Variants in TENM4 observed in about 807,000 individuals in gnomAD.
TENM4 encodes teneurin-4.
Under a neutral mutation model 243.3 loss-of-function variants are expected in TENM4, and 82 were observed. The observed-to-expected ratio is 0.34, with a 90% confidence interval of 0.28 to 0.40. The LOEUF is 0.40. Ranked by LOEUF, TENM4 falls within the 10% of genes least tolerant of loss-of-function variation. TENM4 has a pLI of 1.00. For missense variants in TENM4, 3,138 were observed against 3,673.3 expected (o/e 0.85, Z 3.77); for synonymous variants, 1,412 against 1,456.3 (o/e 0.97, Z 0.69).
intron 1 of TENM4, among the ~76,000 whole-genome samples, chr11:79,307,304 C>G (rs1358110161): frequency 6.6e-6 from 1 of 152,120 alleles, no homozygotes; most frequent in African/African-American, 2.4e-5. Context: ...CAATCCTCAC[C>G]GTTTCTCTCC....
At chr11:79,174,214 C>T (rs544585828) in intron 3 of TENM4, among the ~76,000 whole-genome samples, 9 of 152,086 alleles carry the variant, frequency 5.9e-5, no homozygotes, top group South Asian at 2.1e-4. Context: ...GTTCTTTGCC[C>T]GGGTGCTTCT....
intron 11 of TENM4, among the ~76,000 whole-genome samples, chr11:78,855,405 T>C (rs1285114815): frequency 6.6e-6 from 1 of 152,210 alleles, no homozygotes; most frequent in African/African-American, 2.4e-5. Flanking sequence ...TCAGTGTTTC[T>C]GGTGTGCATG....
At chr11:79,280,076 C>T (rs753262954) in intron 2 of TENM4, among the ~76,000 whole-genome samples, 4 of 152,196 alleles carry the variant, frequency 2.6e-5, no homozygotes, top group African/African-American at 4.8e-5. Context: ...AAGCCCTCAC[C>T]AAAAATCAAA....
At chr11:78,671,916 T>C in intron 31 of TENM4, 117 bp downstream of exon 31, 19 of 1,334,298 alleles carry the variant, frequency 1.4e-5, no homozygotes, top group Non-Finnish European at 1.9e-5. Flanking sequence ...TTCCTGAACA[T>C]TTCCTTTTGG....
At chr11:78,828,934 C>T (rs1857917350) in intron 12 of TENM4, among the ~76,000 whole-genome samples, 1 of 152,246 alleles carries the variant, frequency 6.6e-6, no homozygotes, top group Non-Finnish European at 1.5e-5. Flanking sequence ...GGGCCAGTTC[C>T]TCCCCAGTTC....
At chr11:79,317,673 C>A (rs1266989280) in intron 1 of TENM4, among the ~76,000 whole-genome samples, 2 of 152,172 alleles carry the variant, frequency 1.3e-5, no homozygotes, top group African/African-American at 4.8e-5. Flanking sequence ...CAAACAGAAT[C>A]TGAACTGCAG....
intron 4 of TENM4, among the ~76,000 whole-genome samples, chr11:79,120,164 G>A (rs1256392683): frequency 6.6e-6 from 1 of 152,180 alleles, no homozygotes; most frequent in Non-Finnish European, 1.5e-5. Context: ...TGTCAACGCA[G>A]GACAGCTGAA....
At chr11:78,977,230 G>A (rs145129130) in intron 6 of TENM4, among the ~76,000 whole-genome samples, 2 of 152,316 alleles carry the variant, frequency 1.3e-5, no homozygotes, top group African/African-American at 4.8e-5. Context: ...ACCAGTCATA[G>A]TGGAGTAGGT....
intron 4 of TENM4, among the ~76,000 whole-genome samples, chr11:79,083,101 C>T (rs1230093452): frequency 6.6e-6 from 1 of 152,144 alleles, no homozygotes; most frequent in East Asian, 1.9e-4. Flanking sequence ...AAGGACTTTG[C>T]CGTTGGTAAT....
chr11:78,914,572 A>G (rs1856271185), intron 6 of TENM4, among the ~76,000 whole-genome samples: 2 of 152,124 alleles, frequency 1.3e-5, no homozygotes, highest in Non-Finnish European at 2.9e-5. Context: ...TCAAGCCTCT[A>G]CTGCTCTAAC....
chr11:78,869,452 A>G (rs931085581), intron 9 of TENM4, among the ~76,000 whole-genome samples: 1 of 152,234 alleles, frequency 6.6e-6, no homozygotes, highest in Admixed American at 6.5e-5. Context: ...TTAGTGCATC[A>G]GCATTAAAAA....
intron 1 of TENM4, among the ~76,000 whole-genome samples, chr11:79,306,491 T>G: frequency 6.6e-6 from 1 of 151,746 alleles, no homozygotes; most frequent in Admixed American, 6.6e-5. Context: ...TAGACCACAG[T>G]AAGGAAAGGA....
At chr11:78,908,089 C>T (rs890388693) in intron 6 of TENM4, among the ~76,000 whole-genome samples, 2 of 152,078 alleles carry the variant, frequency 1.3e-5, no homozygotes, top group African/African-American at 4.8e-5. Flanking sequence ...TCCTGAACAC[C>T]GAAACCTCCT....
chr11:78,887,663 G>A (rs1855576321), intron 9 of TENM4, among the ~76,000 whole-genome samples: 3 of 152,218 alleles, frequency 2.0e-5, no homozygotes, highest in African/African-American at 7.2e-5. Context: ...TGGTCCCTGA[G>A]CTCTATCTGT....
At position 78,889,894 on chromosome 11, in the gene TENM4, C is replaced by T; in HGVS notation, c.975G>A (p.Arg325=). 1 of 1,551,780 alleles carries T rather than the reference C, an allele frequency of 6.4e-7. No individual in the cohort carries two copies. Among genetic ancestry groups the T allele is most frequent in the Non-Finnish European group, 8.7e-7 (1 of 1,147,024 alleles). The change falls in exon 9 of 34, where the codon CGG becomes CGA. Residue 325 remains arginine (R), a synonymous_variant. Transcript: ENST00000278550. ...PRPLPRSTFA[R]PAFNLKKPSK... is the part of the protein sequence containing the mutation. ...AGGGCTTCTTGAGGTTAAAGGCCGGCCGGGCGAAGGTGCTGCGGGGCAGGG... is the reference window on the plus strand; with the variant it reads ...AGGGCTTCTTGAGGTTAAAGGCCGGTCGGGCGAAGGTGCTGCGGGGCAGGG...
chr11:78,947,699 G>A (rs967308632), intron 6 of TENM4, among the ~76,000 whole-genome samples: 1 of 152,200 alleles, frequency 6.6e-6, no homozygotes. Flanking sequence ...TGCCAAGGCA[G>A]TTTAACAAGT....
intron 18 of TENM4, among the ~76,000 whole-genome samples, chr11:78,763,361 G>T (rs1856472719): frequency 6.6e-6 from 1 of 152,182 alleles, no homozygotes; most frequent in Non-Finnish European, 1.5e-5. Flanking sequence ...CCCCTGATGG[G>T]GAGTGGAGGG....
chr11:79,418,721 C>T (rs1432004897), intron 1 of TENM4, among the ~76,000 whole-genome samples: 1 of 152,222 alleles, frequency 6.6e-6, no homozygotes, highest in African/African-American at 2.4e-5. Context: ...TGCCTGACTG[C>T]CCCCATGCAG....
chr11:79,350,684 C>G lies in TENM4; in HGVS notation c.-320-53141G>C, dbSNP rs190554711. Among the ~76,000 whole-genome samples, 189 of 151,620 alleles carry G rather than the reference C, an allele frequency of 1.2e-3. 2 individuals carry two copies. Among genetic ancestry groups the G allele is most frequent in the African/African-American group, 4.4e-3 (182 of 41,278 alleles). On this transcript the variant is annotated intron_variant, in intron 1 of 33. Coordinates refer to ENST00000278550, the MANE Select transcript of TENM4 (RefSeq NM_001098816.3). ...CGAACTCCTGGCCTCGAGTGGTCCT[C>G]TCACCTCAGCTTCCCAAAGTGCTGG...
Sources: allele counts gnomAD v4.1 joint callset (sites outside exome capture counted in the v4.1 genomes callset), GRCh38; gene constraint gnomAD v4.1.1; transcripts MANE v1.5; gene names NCBI Gene and HGNC (gene_info 2026-07-23, HGNC 2026-07-21).